The following S100A7 variants were observed in gnomAD, a reference collection of about 807,000 sequenced individuals.
S100A7 encodes the protein protein S100-A7.
In S100A7, 2 loss-of-function variants were observed where a neutral mutation model predicts 3.8. That is an observed-to-expected ratio of 0.53 (90% CI 0.22 to 1.67). The LOEUF (loss-of-function observed/expected upper bound fraction) is 1.67, where lower values mean the gene tolerates loss of function less well. Among genes scored for constraint, S100A7 ranks in the 40% most tolerant of loss-of-function variants. The pLI is 0.20. For missense variants in S100A7, 130 were observed against 126.3 expected (o/e 1.03, Z -0.14); for synonymous variants, 55 against 45.9 (o/e 1.20, Z -0.80).
At chr1:153,459,652 C>T (rs999288614) in intron 1 of S100A7, among the ~76,000 whole-genome samples, 2 of 152,046 alleles carry the variant, frequency 1.3e-5, no homozygotes, top group African/African-American at 4.8e-5. Context: ...CCCTTGGGAA[C>T]GAGAAACAGG....
In S100A7 at chr1:153,460,636, G is replaced by A. The variant is rs1308572519; in HGVS notation, c.-46C>T. 8.3e-7 allele frequency: 1 copy of A among 1,197,734 alleles called. No homozygotes were observed. The highest frequency in any genetic ancestry group is 1.2e-6 in the Non-Finnish European group (1 of 828,560). 74.2% of individuals were successfully genotyped at this position (1,197,734 alleles called of 1,614,324 possible). A position where few individuals can be genotyped will look rare whatever the true frequency, so the allele number is the denominator to read the frequency against. On this transcript the variant is annotated 5_prime_UTR_variant, in exon 1 of 3. Transcript: ENST00000368723. ...AGCTGGGAAGCGTCACGAGTAGAAGGATGAGTGAGATGTGTGTGTTTGGAC... is the reference window on the plus strand; with the variant it reads ...AGCTGGGAAGCGTCACGAGTAGAAGAATGAGTGAGATGTGTGTGTTTGGAC...
chr1:153,459,650 A>C (rs966840486), intron 1 of S100A7, among the ~76,000 whole-genome samples: 3 of 152,126 alleles, frequency 2.0e-5, no homozygotes, highest in African/African-American at 7.2e-5. Context: ...TTCCCTTGGG[A>C]ACGAGAAACA....
intron 2 of S100A7, among the ~76,000 whole-genome samples, chr1:153,458,430 G>C (rs2101646125): frequency 6.6e-6 from 1 of 152,186 alleles, no homozygotes; most frequent in East Asian, 1.9e-4. Flanking sequence ...TAGACCCTTT[G>C]GTACCTAGTA....
At position 153,460,464 on chromosome 1, in the gene S100A7, G is replaced by T. The variant is rs1190957737; in HGVS notation, c.-18+144C>A. On this transcript the variant is annotated intron_variant, in intron 1 of 2. Coordinates refer to ENST00000368723, the MANE Select transcript of S100A7 (RefSeq NM_002963.4). ...ACGTGGGCTTTTGGGGTCAAGTGAA[G>T]GTCACACAGCCCAGCTAATGGCAGA... The T allele has an allele frequency of 1.0e-5, 6 of 585,264 alleles. No homozygotes were observed. In the East Asian group the frequency reaches 1.8e-4, roughly 18 times the overall value. 36.3% of individuals were successfully genotyped at this position (585,264 alleles called of 1,614,324 possible). A position where few individuals can be genotyped will look rare whatever the true frequency, so the allele number is the denominator to read the frequency against.
At position 153,460,505 on chromosome 1, in the gene S100A7, G is replaced by C. The variant is rs1663802707; in HGVS notation, c.-18+103C>G. 4.6e-6 allele frequency: 3 copies of C among 657,624 alleles called. No individual in the cohort carries two copies. In the African/African-American group the frequency reaches 5.4e-5, roughly 12 times the overall value. 40.7% of individuals were successfully genotyped at this position (657,624 alleles called of 1,614,324 possible). ...TAATGGCAGAGCTGGCCTAGACCCA[G>C]GCTTCTGAGTCTTTGTCCACAGCCC... On this transcript the variant is annotated intron_variant, in intron 1 of 2. Transcript: ENST00000368723.
chr1:153,460,377 G>A (rs1479867519), intron 1 of S100A7, among the ~76,000 whole-genome samples: 1 of 152,226 alleles, frequency 6.6e-6, no homozygotes, highest in African/African-American at 2.4e-5. Flanking sequence ...TTCCACAGGA[G>A]TTGCCTCAGG....
chr1:153,459,077 G>A, intron 1 of S100A7, 47 bp from the exon 2 acceptor site: 1 of 1,594,510 alleles, frequency 6.3e-7, no homozygotes, highest in Non-Finnish European at 8.6e-7. Flanking sequence ...TTTAAGTTAG[G>A]GTCTCTATTT....
Position 153,459,158 on chromosome 1 carries a change from T to A in S100A7, c.-17-128A>T, listed in dbSNP as rs1356578017. The stretch of plus-strand genomic sequence containing the variant: ...AGGTGTAGCAGAACGAACTCAATTT[T>A]TTTTTAATGTGATGGGATAAGTTGC... On this transcript the variant is annotated intron_variant, in intron 1 of 2. Transcript: ENST00000368723. 7 of 1,143,688 alleles carry A rather than the reference T, an allele frequency of 6.1e-6. No individual in the cohort carries two copies. The East Asian group carries it at 1.5e-4, about 25-fold the overall frequency. 70.8% of individuals were successfully genotyped at this position (1,143,688 alleles called of 1,614,324 possible). A position where few individuals can be genotyped will look rare whatever the true frequency, so the allele number is the denominator to read the frequency against.
chr1:153,460,555 C>A, intron 1 of S100A7, 53 bp downstream of exon 1: 2 of 738,084 alleles, frequency 2.7e-6, no homozygotes, highest in Non-Finnish European at 4.9e-6. Flanking sequence ...GGCAGCATGG[C>A]AGGCCAGGCA....
chr1:153,458,083 G>T (rs1196783526), intron 2 of S100A7, 113 bp from the exon 3 acceptor site: 7 of 1,237,118 alleles, frequency 5.7e-6, no homozygotes, highest in Non-Finnish European at 5.7e-6. Flanking sequence ...GCACAGGCAT[G>T]GTGGCGGGGC....
chr1:153,458,551 T>C (rs1217444247), intron 2 of S100A7, among the ~76,000 whole-genome samples: 1 of 152,150 alleles, frequency 6.6e-6, no homozygotes, highest in Admixed American at 6.5e-5. Context: ...CTCAGGGATG[T>C]TGATGTGGGG....
At chr1:153,458,807 G>T in intron 2 of S100A7, 66 bp downstream of exon 2, 1 of 1,558,596 alleles carries the variant, frequency 6.4e-7, no homozygotes, top group Non-Finnish European at 8.7e-7. Flanking sequence ...GAGGGTGAGG[G>T]TGATCTGTCC....
At chr1:153,459,228 T>A (rs1373497974) in intron 1 of S100A7, among the ~76,000 whole-genome samples, 198 bp from the exon 2 acceptor site, 1 of 152,220 alleles carries the variant, frequency 6.6e-6, no homozygotes, top group East Asian at 1.9e-4. Context: ...TGGCCCATCC[T>A]GGCCAGGGCC....
intron 1 of S100A7, 23 bp downstream of exon 1, chr1:153,460,585 G>A (rs1244407051): frequency 3.2e-5 from 29 of 906,960 alleles, no homozygotes; most frequent in Admixed American, 4.0e-5. Flanking sequence ...TCTAGAAAAC[G>A]CAAAGAGGCA....
chr1:153,458,104 G>A, intron 2 of S100A7, 134 bp from the exon 3 acceptor site: 1 of 967,294 alleles, frequency 1.0e-6, no homozygotes, highest in Non-Finnish European at 1.6e-6. Flanking sequence ...TGAGAGCACA[G>A]GGTGAGTGGG....
chr1:153,460,393 C>T (rs1261005498), intron 1 of S100A7, among the ~76,000 whole-genome samples: 1 of 152,302 alleles, frequency 6.6e-6, no homozygotes, highest in South Asian at 2.1e-4. Flanking sequence ...TCAGGAGATC[C>T]CAAAGGAGCA....
intron 1 of S100A7, among the ~76,000 whole-genome samples, chr1:153,460,210 G>A (rs953435969): frequency 2.2e-4 from 34 of 152,292 alleles, no homozygotes; most frequent in African/African-American, 7.9e-4. Flanking sequence ...TGGGGGTTTG[G>A]AGAGCCTCCA....
intron 2 of S100A7, 49 bp downstream of exon 2, chr1:153,458,824 A>G (rs1423994371): frequency 1.2e-6 from 2 of 1,605,994 alleles, no homozygotes; most frequent in Non-Finnish European, 1.7e-6. Context: ...GTCCAAGGCC[A>G]CATAGCAAAA....
chr1:153,459,167 G>A, intron 1 of S100A7, 137 bp from the exon 2 acceptor site: 1 of 1,053,424 alleles, frequency 9.5e-7, no homozygotes, highest in Non-Finnish European at 1.3e-6. Flanking sequence ...TTTTTTTAAT[G>A]TGATGGGATA....
Sources: allele counts gnomAD v4.1 joint callset (sites outside exome capture counted in the v4.1 genomes callset), GRCh38; gene constraint gnomAD v4.1.1; transcripts MANE v1.5; gene names NCBI Gene and HGNC (gene_info 2026-07-23, HGNC 2026-07-21).